Variants in AOPEP observed in about 807,000 individuals in gnomAD.
AOPEP encodes the protein aminopeptidase O (putative).
A neutral mutation model predicts 98.1 loss-of-function variants in AOPEP; 77 were observed. The observed-to-expected ratio is 0.78, with a 90% confidence interval of 0.65 to 0.95. AOPEP has a LOEUF of 0.95. Ranked by LOEUF, AOPEP falls within the 40% of genes least tolerant of loss-of-function variation. AOPEP has a pLI of 0.00. For synonymous variants in AOPEP, 346 were observed against 365.3 expected (o/e 0.95, Z 0.60); for missense variants, 1,024 against 1,024.7 (o/e 1.00, Z 0.01).
chr9:94,938,636 G>A (rs1236086844), intron 7 of AOPEP, among the ~76,000 whole-genome samples: 4 of 152,164 alleles, frequency 2.6e-5, no homozygotes, highest in East Asian at 1.9e-4. Context: ...GGACAGCCAC[G>A]AAAAGAACCA....
chr9:95,082,449 C>T, intron 15 of AOPEP, 126 bp from the exon 16 acceptor site: 1 of 1,066,486 alleles, frequency 9.4e-7, no homozygotes, highest in Non-Finnish European at 1.3e-6. Context: ...CCTCTGTCTT[C>T]TCTGGGGTCT....
chr9:95,080,674 G>GCTCT lies in AOPEP; in HGVS notation c.2233-15_2233-12dup. 1 of 1,600,778 alleles carries GCTCT rather than the reference G, an allele frequency of 6.2e-7. No individual in the cohort carries two copies. The highest frequency in any genetic ancestry group is 8.5e-7 in the Non-Finnish European group (1 of 1,169,950). ...TGCCTGCCTGCTTGTCGCTCACTGG[G>GCTCT]CTCTCTCTTGTTCCTCCAGGTTCGC... On this transcript the variant is annotated intron_variant, in intron 14 of 16. Coordinates refer to ENST00000375315, the MANE Select transcript of AOPEP (RefSeq NM_001193329.3).
chr9:94,913,430 A>G (rs1158796236), intron 5 of AOPEP, among the ~76,000 whole-genome samples: 1 of 152,212 alleles, frequency 6.6e-6, no homozygotes, highest in East Asian at 1.9e-4. Context: ...CCTGGGAAAT[A>G]AGAAGGATAT....
the AOPEP span, among the ~76,000 whole-genome samples, chr9:95,146,864 T>G: frequency 6.6e-6 from 1 of 152,122 alleles, no homozygotes; most frequent in Non-Finnish European, 1.5e-5. Flanking sequence ...AAATCATTAT[T>G]TAAAAAATTC....
chr9:94,991,785 C>T (rs556176173), intron 11 of AOPEP, among the ~76,000 whole-genome samples: 13 of 152,238 alleles, frequency 8.5e-5, no homozygotes, highest in South Asian at 4.2e-4. Flanking sequence ...TATTTCTAAA[C>T]GGTAGCCCTA....
intron 10 of AOPEP, among the ~76,000 whole-genome samples, chr9:94,968,344 G>A (rs980816045): frequency 7.9e-5 from 12 of 152,236 alleles, no homozygotes; most frequent in African/African-American, 2.9e-4. Context: ...CACCTCCCAG[G>A]TTCAGGTGAT....
intron 11 of AOPEP, chr9:95,004,185 G>T (rs1321708027): frequency 2.2e-6 from 1 of 455,602 alleles, no homozygotes; most frequent in East Asian, 7.0e-5. Flanking sequence ...TCTCCGCCCC[G>T]GCCCGCCCTC....
At chr9:94,867,262 G>T (rs1333709982) in intron 5 of AOPEP, among the ~76,000 whole-genome samples, 1 of 152,176 alleles carries the variant, frequency 6.6e-6, no homozygotes, top group African/African-American at 2.4e-5. Context: ...TAAAATCACA[G>T]AAGATTTGCA....
At chr9:94,933,769 A>G (rs1348962047) in intron 7 of AOPEP, 12 of 667,802 alleles carry the variant, frequency 1.8e-5, no homozygotes, top group Non-Finnish European at 1.8e-5. Flanking sequence ...TTTTTTTGAG[A>G]CAGAGTGTCG....
At chr9:94,843,217 G>C (rs1286568478) in intron 5 of AOPEP, among the ~76,000 whole-genome samples, 2 of 152,026 alleles carry the variant, frequency 1.3e-5, no homozygotes, top group Admixed American at 1.3e-4. Flanking sequence ...CTCAGGCCTC[G>C]GCACTTTTCA....
At chr9:95,115,638 CA>C in the AOPEP span, among the ~76,000 whole-genome samples, 1 of 152,154 alleles carries the variant, frequency 6.6e-6, no homozygotes, top group Non-Finnish European at 1.5e-5. Flanking sequence ...GCAGCATCTG[CA>C]AAAGTTTTCA....
At chr9:95,116,375 G>A in the AOPEP span, among the ~76,000 whole-genome samples, 22 of 152,332 alleles carry the variant, frequency 1.4e-4, 1 homozygote, top group East Asian at 2.3e-3. Context: ...AGAAGACAGT[G>A]TTAGGGGATC....
chr9:95,000,764 T>C (rs1299722091), intron 11 of AOPEP, among the ~76,000 whole-genome samples: 1 of 152,188 alleles, frequency 6.6e-6, no homozygotes, highest in East Asian at 1.9e-4. Context: ...ATAATTTTGC[T>C]CCTAATCCCT....
At position 94,979,404 on chromosome 9, in the gene AOPEP, CT is replaced by C; in HGVS notation, c.1956del (p.Glu653ArgfsTer35). On this transcript the variant is annotated frameshift_variant, in exon 11 of 17. Coordinates refer to ENST00000375315, the MANE Select transcript of AOPEP (RefSeq NM_001193329.3). LOFTEE classifies it high-confidence loss of function. The part of the protein sequence containing the change: ...LSVENIYQDW[L>X]ESSGIPKPLQ... ...TGTTGAAAACATCTACCAAGACTGG[CT>C]TGAGAGTTCCGGAATACCAAAGGTA... The C allele has an allele frequency of 1.2e-6, 2 of 1,601,286 alleles. No homozygotes were observed. The highest frequency in any genetic ancestry group is 1.7e-6 in the Non-Finnish European group (2 of 1,171,650).
chr9:94,773,843 G>A (rs919405039), intron 3 of AOPEP, among the ~76,000 whole-genome samples: 4 of 152,148 alleles, frequency 2.6e-5, no homozygotes, highest in African/African-American at 4.8e-5. Context: ...ACGGCTCACC[G>A]TGGCCTTGAC....
chr9:94,738,582 AT>A (rs551848247), intron 1 of AOPEP, among the ~76,000 whole-genome samples: 1,819 of 151,344 alleles, frequency 0.012, 13 homozygotes, highest in Non-Finnish European at 0.019. Flanking sequence ...TATTATTATT[AT>A]TTTTTTTTGA....
At chr9:95,021,672 G>A (rs1457781939) in intron 13 of AOPEP, 1 of 152,340 alleles carries the variant, frequency 6.6e-6, no homozygotes, top group Non-Finnish European at 1.5e-5. Flanking sequence ...TTTGTCCTCT[G>A]AGCAGGGGGC....
At chr9:95,134,978 G>C in the AOPEP span, among the ~76,000 whole-genome samples, 1 of 152,258 alleles carries the variant, frequency 6.6e-6, no homozygotes, top group Non-Finnish European at 1.5e-5. Flanking sequence ...AGAGCTACAA[G>C]TTTATTTTTT....
At chr9:95,031,968 C>T (rs1280622854) in intron 13 of AOPEP, among the ~76,000 whole-genome samples, 1 of 152,158 alleles carries the variant, frequency 6.6e-6, no homozygotes, top group Non-Finnish European at 1.5e-5. Flanking sequence ...TCAGTGCTTA[C>T]AGGGGCATGA....
Sources: allele counts gnomAD v4.1 joint callset (sites outside exome capture counted in the v4.1 genomes callset), GRCh38; gene constraint gnomAD v4.1.1; transcripts MANE v1.5; gene names NCBI Gene and HGNC (gene_info 2026-07-23, HGNC 2026-07-21).